UBASH3B: variants seen among roughly 807,000 people sequenced by gnomAD.
UBASH3B encodes ubiquitin associated and SH3 domain containing B.
In UBASH3B, 37 loss-of-function variants were observed where a neutral mutation model predicts 83.4. The ratio of observed to expected loss-of-function variants is 0.44; its 90% confidence interval spans 0.34 to 0.58. UBASH3B has a LOEUF of 0.58. Ranked by LOEUF, UBASH3B falls within the 20% of genes least tolerant of loss-of-function variation. The pLI is 0.01. For synonymous variants in UBASH3B, 304 were observed against 318.3 expected, an observed-to-expected ratio of 0.96 and a Z score of 0.48; for missense variants, 657 against 827.2, an observed-to-expected ratio of 0.79 and a Z score of 2.52.
At position 122,748,719 on chromosome 11, in the gene UBASH3B, G is replaced by A. The variant is rs147219543; in HGVS notation, c.162-27500G>A. ...GTGTCCATCCAAGGGTCGCAGTGAC[G>A]TGAGGCTAAATGCAAGGCCTGCTGC... is the stretch of plus-strand genomic sequence containing the variant. On this transcript the variant is annotated intron_variant, in intron 1 of 13. Coordinates refer to ENST00000284273, the MANE Select transcript of UBASH3B (RefSeq NM_032873.5). Among the ~76,000 whole-genome samples the A allele has an allele frequency of 4.3e-3, 658 of 152,258 alleles. 16 individuals carry two copies. Among genetic ancestry groups the A allele is most frequent in the Admixed American group, 0.034 (513 of 15,292 alleles).
At chr11:122,663,562 G>A (rs1363263737) in intron 1 of UBASH3B, among the ~76,000 whole-genome samples, 1 of 152,198 alleles carries the variant, frequency 6.6e-6, no homozygotes, top group Non-Finnish European at 1.5e-5. Flanking sequence ...TTTTCAGAGA[G>A]GCAGCCAACC....
intron 1 of UBASH3B, among the ~76,000 whole-genome samples, chr11:122,685,259 G>A (rs549014923): frequency 1.3e-5 from 2 of 152,044 alleles, no homozygotes; most frequent in African/African-American, 2.4e-5. Flanking sequence ...CCCCACCCCC[G>A]GGATGTAGCT....
At chr11:122,807,058 CTTTTT>C (rs1170032090) in intron 12 of UBASH3B, among the ~76,000 whole-genome samples, 2 of 152,184 alleles carry the variant, frequency 1.3e-5, no homozygotes, top group Non-Finnish European at 2.9e-5. Flanking sequence ...CCCTTCATCT[CTTTTT>C]TTAAGTTAAA....
intron 1 of UBASH3B, among the ~76,000 whole-genome samples, chr11:122,767,274 A>T (rs1369954719): frequency 2.0e-5 from 3 of 150,368 alleles, no homozygotes; most frequent in Non-Finnish European, 4.4e-5. Flanking sequence ...CTCAAAAAAA[A>T]AAAAAAAGTA....
chr11:122,690,292 A>T (rs532508350), intron 1 of UBASH3B, among the ~76,000 whole-genome samples: 1 of 117,730 alleles, frequency 8.5e-6, no homozygotes, highest in Non-Finnish European at 1.8e-5. Context: ...ACATATATAT[A>T]TCTCCAATTA....
chr11:122,778,454 C>G (rs1253438191), intron 3 of UBASH3B, among the ~76,000 whole-genome samples: 1 of 151,912 alleles, frequency 6.6e-6, no homozygotes, highest in African/African-American at 2.4e-5. Flanking sequence ...GAGTCAACTT[C>G]TGATCATCTA....
At chr11:122,746,637 G>T (rs1426306334) in intron 1 of UBASH3B, among the ~76,000 whole-genome samples, 1 of 152,222 alleles carries the variant, frequency 6.6e-6, no homozygotes, top group Non-Finnish European at 1.5e-5. Flanking sequence ...GACTGGAAGG[G>T]CTAATAGAAG....
chr11:122,765,169 A>C (rs1354130172), intron 1 of UBASH3B, among the ~76,000 whole-genome samples: 2 of 152,180 alleles, frequency 1.3e-5, no homozygotes, highest in South Asian at 2.1e-4. Context: ...GATAAGAAGG[A>C]AAGCCTCTGC....
At chr11:122,749,591 G>T (rs1055661985) in intron 1 of UBASH3B, among the ~76,000 whole-genome samples, 28 of 152,266 alleles carry the variant, frequency 1.8e-4, no homozygotes, top group Middle Eastern at 6.8e-3. Flanking sequence ...ATTGACCAAG[G>T]GCCTCACAGC....
intron 1 of UBASH3B, chr11:122,726,308 A>T (rs1357162796): frequency 6.5e-6 from 1 of 154,738 alleles, no homozygotes; most frequent in Non-Finnish European, 1.4e-5. Context: ...AACTATAAAA[A>T]GATCACCTTT....
chr11:122,716,056 C>G (rs573568928), intron 1 of UBASH3B, among the ~76,000 whole-genome samples: 1 of 152,188 alleles, frequency 6.6e-6, no homozygotes, highest in Non-Finnish European at 1.5e-5. Flanking sequence ...GGAGAGAGGA[C>G]GAGGAGGTGG....
chr11:122,747,493 G>A (rs1300911756), intron 1 of UBASH3B, among the ~76,000 whole-genome samples: 1 of 152,198 alleles, frequency 6.6e-6, no homozygotes, highest in Non-Finnish European at 1.5e-5. Flanking sequence ...CCAGAGTCCT[G>A]GGGAGTGTGG....
intron 1 of UBASH3B, among the ~76,000 whole-genome samples, chr11:122,688,910 C>T (rs966051885): frequency 1.3e-5 from 2 of 150,400 alleles, no homozygotes; most frequent in East Asian, 3.9e-4. Flanking sequence ...TCCAAAAGTG[C>T]TGGGATTACA....
chr11:122,771,789 ACT>A (rs1555144976), intron 1 of UBASH3B, among the ~76,000 whole-genome samples: 7 of 147,060 alleles, frequency 4.8e-5, no homozygotes, highest in East Asian at 4.0e-4. Context: ...ACACACACAC[ACT>A]AAAATAATAA....
intron 1 of UBASH3B, among the ~76,000 whole-genome samples, chr11:122,716,351 T>G (rs1306533053): frequency 6.6e-6 from 1 of 152,248 alleles, no homozygotes; most frequent in Non-Finnish European, 1.5e-5. Context: ...TTTTTTGTAT[T>G]TTTAGTAGAG....
At chr11:122,669,068 G>A (rs1267895030) in intron 1 of UBASH3B, among the ~76,000 whole-genome samples, 1 of 152,178 alleles carries the variant, frequency 6.6e-6, no homozygotes, top group East Asian at 1.9e-4. Flanking sequence ...AAGAGGCTTT[G>A]TGAAATGCAG....
At position 122,759,634 on chromosome 11, in the gene UBASH3B, C is replaced by T. The variant is rs1377718087; in HGVS notation, c.162-16585C>T. ...GTGATGGGAGACAATGACAGACTAT[C>T]AGGCATTAGATTCTCCTGAGGAGCC... On this transcript the variant is annotated intron_variant, in intron 1 of 13. Transcript: ENST00000284273. The surrounding 1 kb of genome is among the most constrained non-coding windows in gnomAD (Gnocchi z 4.1). 1.3e-5 allele frequency among the ~76,000 whole-genome samples: 2 copies of T among 152,174 alleles called. No individual in the cohort carries two copies. Among genetic ancestry groups the T allele is most frequent in the Non-Finnish European group, 2.9e-5 (2 of 68,038 alleles).
chr11:122,742,206 C>T lies in UBASH3B; in HGVS notation c.162-34013C>T, dbSNP rs139822434. Among the ~76,000 whole-genome samples the T allele has an allele frequency of 8.1e-3, 1,230 of 152,224 alleles. 19 individuals are homozygous for T. The highest frequency in any genetic ancestry group is 0.028 in the African/African-American group (1,145 of 41,542). ...AGGGATTATTCAAGCCTGGAAGGGT[C>T]GGGAGAACCTTTTTAGAAAAGGGTG... On this transcript the variant is annotated intron_variant, in intron 1 of 13. Transcript: ENST00000284273.
At chr11:122,668,471 G>A (rs1863550513) in intron 1 of UBASH3B, among the ~76,000 whole-genome samples, 1 of 152,180 alleles carries the variant, frequency 6.6e-6, no homozygotes, top group African/African-American at 2.4e-5. Context: ...CCATGGGAGT[G>A]GGCATCTCTC....
Sources: allele counts gnomAD v4.1 joint callset (sites outside exome capture counted in the v4.1 genomes callset), GRCh38; gene constraint gnomAD v4.1.1; non-coding constraint Gnocchi (gnomAD v3.1); transcripts MANE v1.5; gene names NCBI Gene and HGNC (gene_info 2026-07-23, HGNC 2026-07-21).